ABCA1: variants seen among roughly 807,000 people sequenced by gnomAD.
ABCA1 encodes ATP binding cassette subfamily A member 1.
In ABCA1, 133 loss-of-function variants were observed where a neutral mutation model predicts 262.5. The ratio of observed to expected loss-of-function variants is 0.51; its 90% confidence interval spans 0.44 to 0.59. The LOEUF is 0.59. Among genes scored for constraint, ABCA1 ranks in the 20% least tolerant of loss-of-function variants. ABCA1 has a pLI of 0.00. For synonymous variants in ABCA1, 1,022 were observed against 1,043.5 expected (o/e 0.98, Z 0.40); for missense variants, 2,452 against 2,777.5 (o/e 0.88, Z 2.63).
intron 5 of ABCA1, among the ~76,000 whole-genome samples, chr9:104,881,138 GCT>G (rs1838615774): frequency 6.6e-6 from 1 of 151,886 alleles, no homozygotes; most frequent in Admixed American, 6.6e-5. Flanking sequence ...ACAGAGCGAG[GCT>G]CTGTCTTAAA....
At position 104,827,068 on chromosome 9, in the gene ABCA1, G is replaced by T. The variant is rs750398659; in HGVS notation, c.2217C>A (p.Leu739=). ...CTGCTGCCAGGTTGGCTCTGGAGAA[G>T]AGTGTGCTAATCAGGAAGCACTGCA... is the stretch of plus-strand genomic sequence containing the variant. ...TILQCFLIST[L]FSRANLAAAC... The change falls in exon 16 of 50, where the codon CTC becomes CTA. Residue 739 remains leucine (L), a synonymous_variant. Coordinates refer to ENST00000374736, the MANE Select transcript of ABCA1 (RefSeq NM_005502.4). The T allele has an allele frequency of 1.9e-6, 3 of 1,614,090 alleles. No individual in the cohort carries two copies. Among genetic ancestry groups the T allele is most frequent in the Admixed American group, 1.7e-5 (1 of 60,004 alleles).
At chr9:104,908,146 A>G (rs1054806646) in intron 1 of ABCA1, among the ~76,000 whole-genome samples, 4 of 152,188 alleles carry the variant, frequency 2.6e-5, no homozygotes, top group African/African-American at 9.7e-5. Flanking sequence ...TAAATATTAA[A>G]AGTGCTAGCA....
chr9:104,903,887 C>G lies in ABCA1; in HGVS notation c.-92-116G>C, dbSNP rs1028911161. ...AGACCTCCAACACACAGCTCTGCAT[C>G]ATGACTGCTTCTCAATGGATCATGA... On this transcript the variant is annotated intron_variant, in intron 1 of 49. Transcript: ENST00000374736. 4.9e-6 allele frequency: 3 copies of G among 612,986 alleles called. No homozygotes were observed. In the African/African-American group the frequency reaches 5.5e-5, roughly 11 times the overall value. 38.0% of individuals were successfully genotyped at this position (612,986 alleles called of 1,614,324 possible). A position where few individuals can be genotyped will look rare whatever the true frequency, so the allele number is the denominator to read the frequency against.
Position 104,806,260 on chromosome 9 carries a change from C to G in ABCA1, c.4445G>C (p.Gly1482Ala), listed in dbSNP as rs1488795944. The change falls in exon 31 of 50, where the codon GGG (glycine) becomes GCG (alanine). Residue 1482 changes from glycine (G) to alanine (A), a missense_variant. Gly to Ala is a moderately conservative substitution (Grantham distance 60, BLOSUM62 0). Around this residue, in one of 4 missense-constraint regions of ABCA1, gnomAD observed 665 missense variants for 727.3 expected, o/e 0.91. Transcript: ENST00000374736. ...ACTCACTTGTGGAGGAGGCAGCCCC[C>G]CTGCCCCTGGGGGACACACAGGCAG... ...KMLPVCPPGA[G>A]GLPPPQRKQN... 6.2e-7 allele frequency: 1 copy of G among 1,613,394 alleles called. No individual in the cohort carries two copies. Among genetic ancestry groups the G allele is most frequent in the South Asian group, 1.1e-5 (1 of 91,040 alleles).
At chr9:104,816,474 C>T (rs1376236632) in intron 24 of ABCA1, 129 bp from the exon 25 acceptor site, 1 of 853,198 alleles carries the variant, frequency 1.2e-6, no homozygotes, top group East Asian at 2.6e-5. Context: ...GTGTTTAGGT[C>T]ATTCCACATG....
Position 104,884,719 on chromosome 9 carries a change from T to G in ABCA1, c.161-151A>C, listed in dbSNP as rs891268344. ...TGTCTCTTCTGAATAAAACTGACTC[T>G]CAGGTGGAAACTTGGCCTCACATGC... On this transcript the variant is annotated intron_variant, in intron 3 of 49. Coordinates refer to ENST00000374736, the MANE Select transcript of ABCA1 (RefSeq NM_005502.4). 4.2e-6 allele frequency: 4 copies of G among 952,750 alleles called. No homozygotes were observed. In the Admixed American group the frequency reaches 6.0e-5, roughly 14 times the overall value. 59.0% of individuals were successfully genotyped at this position (952,750 alleles called of 1,614,324 possible).
Position 104,820,089 on chromosome 9 carries a change from T to C in ABCA1, c.2961-20A>G, listed in dbSNP as rs1588296192. On this transcript the variant is annotated intron_variant, in intron 20 of 49. Coordinates refer to ENST00000374736, the MANE Select transcript of ABCA1 (RefSeq NM_005502.4). ...GTCAGCCTGGGGACAGGGAGGCAGG[T>C]CAGCTCTGGGCCCTACTGGATACCC... The C allele has an allele frequency of 5.0e-6, 8 of 1,613,928 alleles. 1 individual carries two copies. The highest frequency in any genetic ancestry group is 4.4e-5 in the South Asian group (4 of 91,068).
At position 104,798,466 on chromosome 9, in the gene ABCA1, T is replaced by C; in HGVS notation, c.5076A>G (p.Gly1692=). The C allele has an allele frequency of 6.2e-7, 1 of 1,614,202 alleles. No individual in the cohort carries two copies. The highest frequency in any genetic ancestry group is 8.5e-7 in the Non-Finnish European group (1 of 1,180,026). Residue 1692 remains glycine, a synonymous_variant, in exon 37 of 50, where the codon GGA becomes GGG. Transcript: ENST00000374736. ...AGAGCCAGTAGATGACAGGCTTCAC[T>C]CCACTGATGAACTGCAGGTGTTTTG... The part of the protein sequence containing the change: ...SKAKHLQFIS[G]VKPVIYWLSN...
At chr9:104,875,010 A>G (rs1186267061) in intron 5 of ABCA1, among the ~76,000 whole-genome samples, 3 of 152,064 alleles carry the variant, frequency 2.0e-5, no homozygotes, top group Non-Finnish European at 4.4e-5. Context: ...CTCATTGAGA[A>G]TGGGCCATGA....
chr9:104,919,943 C>T (rs1842051902), intron 1 of ABCA1, among the ~76,000 whole-genome samples: 1 of 152,134 alleles, frequency 6.6e-6, no homozygotes, highest in African/African-American at 2.4e-5. Context: ...TTTTTCTTTA[C>T]CTCTCAAAAT....
rs1171398601 is a variant in ABCA1 at position 104,903,630 on chromosome 9, A to C, written c.50T>G (p.Phe17Cys). The C allele has an allele frequency of 6.3e-7, 1 of 1,589,656 alleles. No individual in the cohort carries two copies. The highest frequency in any genetic ancestry group is 2.3e-5 in the East Asian group (1 of 44,110). The change falls in exon 2 of 50, where the codon TTC becomes TGC. Residue 17 changes from phenylalanine to cysteine, a missense_variant. Physicochemically the swap from Phe to Cys is radical, Grantham distance 205 (BLOSUM62 -2). Around this residue, in one of 4 missense-constraint regions of ABCA1, gnomAD observed 1,032 missense variants for 1,089.7 expected, o/e 0.95. Coordinates refer to ENST00000374736, the MANE Select transcript of ABCA1 (RefSeq NM_005502.4). The part of the protein sequence containing the change: ...LRLLLWKNLT[F>C]RRRQTCQLLL... The stretch of plus-strand genomic sequence containing the variant: ...CAAGCTTACTGTTTGTCTTCTTCTG[A>C]AAGTGAGGTTCTTCCACAGCAGCAA...
Position 104,830,948 on chromosome 9 carries a change from G to A in ABCA1, c.1869C>T (p.Pro623=). The A allele has an allele frequency of 6.2e-7, 1 of 1,613,684 alleles. No individual in the cohort carries two copies. Among genetic ancestry groups the A allele is most frequent in the Non-Finnish European group, 8.5e-7 (1 of 1,179,934 alleles). ...ACATGTCATCAACGTAACAGGGATA[G>A]GGCATCTGTTGCATATAGACACCAG... ...KKTGVYMQQM[P]YPCYVDDIFL... The change falls in exon 14 of 50, where the codon CCC becomes CCT. Residue 623 remains proline, a synonymous_variant. Transcript: ENST00000374736.
intron 5 of ABCA1, among the ~76,000 whole-genome samples, chr9:104,863,651 A>T (rs4149285): frequency 6.6e-6 from 1 of 152,168 alleles, no homozygotes. Flanking sequence ...TGAGTTATAT[A>T]GACAGAATAA....
intron 9 of ABCA1, 78 bp from the exon 10 acceptor site, chr9:104,837,645 A>C: frequency 1.3e-6 from 2 of 1,563,556 alleles, no homozygotes; most frequent in Non-Finnish European, 1.7e-6. Context: ...TTGGAGCCAG[A>C]GAGTTCTTAG....
Position 104,903,763 on chromosome 9 carries a change from G to C in ABCA1, c.-84C>G. 7.8e-7 allele frequency: 1 copy of C among 1,286,710 alleles called. No homozygotes were observed. The highest frequency in any genetic ancestry group is 1.3e-5 in the South Asian group (1 of 78,550). 79.7% of individuals were successfully genotyped at this position (1,286,710 alleles called of 1,614,324 possible). On this transcript the variant is annotated 5_prime_UTR_variant, in exon 2 of 50. Coordinates refer to ENST00000374736, the MANE Select transcript of ABCA1 (RefSeq NM_005502.4). ...AGCTCACAGCAGGGACGCCGTGGCT[G>C]GTCATTAACTGAAAGATAAAGCAGG...
intron 7 of ABCA1, among the ~76,000 whole-genome samples, chr9:104,851,080 T>C (rs532717575): frequency 2.6e-5 from 4 of 152,212 alleles, no homozygotes; most frequent in Non-Finnish European, 5.9e-5. Flanking sequence ...AATCACAACA[T>C]ACCATGTTTC....
At chr9:104,834,970 C>T (rs771024650) in intron 11 of ABCA1, among the ~76,000 whole-genome samples, 5 of 152,004 alleles carry the variant, frequency 3.3e-5, no homozygotes, top group South Asian at 2.1e-4. Context: ...GAAGAAAGGC[C>T]GGGCGCGGTG....
At chr9:104,848,784 G>C (rs1835122275) in intron 7 of ABCA1, among the ~76,000 whole-genome samples, 1 of 152,064 alleles carries the variant, frequency 6.6e-6, no homozygotes, top group South Asian at 2.1e-4. Flanking sequence ...CAACGTGCTT[G>C]GTGGTATATT....
intron 25 of ABCA1, 121 bp downstream of exon 25, chr9:104,816,022 T>A: frequency 9.2e-7 from 1 of 1,087,758 alleles, no homozygotes; most frequent in East Asian, 2.4e-5. Flanking sequence ...TAATCAGATG[T>A]CGATGACCTA....
Sources: gnomAD v4.1 joint callset for allele counts (sites outside exome capture counted in the v4.1 genomes callset) on GRCh38, gnomAD v4.1.1 for gene constraint, gnomAD v4.1.1 regional missense constraint, MANE v1.5 for transcripts, NCBI Gene and HGNC (gene_info 2026-07-23, HGNC 2026-07-21) for gene names.